Variants in SPAG1 observed in about 807,000 individuals in gnomAD.
SPAG1 encodes sperm-associated antigen 1.
Under a neutral mutation model 100.5 loss-of-function variants are expected in SPAG1, and 69 were observed. The observed-to-expected ratio is 0.69, with a 90% confidence interval of 0.57 to 0.84. The LOEUF (loss-of-function observed/expected upper bound fraction) is 0.84, where lower values mean the gene tolerates loss of function less well. SPAG1 is among the 40% of genes least tolerant of loss of function. SPAG1 has a pLI of 0.00. For synonymous variants in SPAG1, 336 were observed against 411.6 expected, an observed-to-expected ratio of 0.82 and a Z score of 2.22; for missense variants, 955 against 1,133.1, an observed-to-expected ratio of 0.84 and a Z score of 2.26.
chr8:100,162,081 C>G (rs543801063), intron 1 of SPAG1, among the ~76,000 whole-genome samples, 198 bp from the exon 2 acceptor site: 2 of 152,302 alleles, frequency 1.3e-5, no homozygotes, highest in East Asian at 3.9e-4. Flanking sequence ...ATAATCCCAG[C>G]ACTCTGGGAG....
At chr8:100,176,816 C>CTCCTCTCCTCTCCTG (rs1816141594) in intron 3 of SPAG1, among the ~76,000 whole-genome samples, 3 of 145,478 alleles carry the variant, frequency 2.1e-5, no homozygotes, top group Non-Finnish European at 3.0e-5. Flanking sequence ...TCCCTCTCCT[C>CTCCTCTCCTCTCCTG]TCCTCTCCTC....
At chr8:100,198,089 A>C (rs1406097645) in intron 10 of SPAG1, among the ~76,000 whole-genome samples, 1 of 152,164 alleles carries the variant, frequency 6.6e-6, no homozygotes. Flanking sequence ...CCTTACAGAG[A>C]CGCAATCAGA....
intron 10 of SPAG1, among the ~76,000 whole-genome samples, chr8:100,198,332 T>C (rs1586461199): frequency 6.6e-6 from 1 of 152,050 alleles, no homozygotes; most frequent in African/African-American, 2.4e-5. Flanking sequence ...AAAACGTGTA[T>C]GTTAGGCGCC....
At chr8:100,208,499 C>T (rs921109800) in intron 10 of SPAG1, among the ~76,000 whole-genome samples, 3 of 152,168 alleles carry the variant, frequency 2.0e-5, no homozygotes, top group East Asian at 1.9e-4. Context: ...AAAACCACGA[C>T]CTGCCGAGGT....
intron 9 of SPAG1, among the ~76,000 whole-genome samples, chr8:100,193,185 C>T (rs942513840): frequency 6.6e-6 from 1 of 152,168 alleles, no homozygotes; most frequent in African/African-American, 2.4e-5. Flanking sequence ...CACAGCTGGG[C>T]ACGGTGGCTC....
rs556212120 is a variant in SPAG1 at position 100,211,116 on chromosome 8, G to A, written c.1097-1974G>A. On this transcript the variant is annotated intron_variant, in intron 10 of 18. Coordinates refer to ENST00000388798, the MANE Select transcript of SPAG1 (RefSeq NM_003114.5). ...GCTGGGATTACAGGCATGAGCCACC[G>A]TGCCCGGCCCCAAACTTTTATATAT... Among the ~76,000 whole-genome samples, 248 of 151,980 alleles carry A rather than the reference G, an allele frequency of 1.6e-3. 2 individuals are homozygous for A. The highest frequency in any genetic ancestry group is 3.1e-3 in the Non-Finnish European group (210 of 67,934).
chr8:100,172,626 A>G (rs1815914219), intron 3 of SPAG1, among the ~76,000 whole-genome samples: 1 of 132,118 alleles, frequency 7.6e-6, no homozygotes, highest in Non-Finnish European at 1.6e-5. Context: ...CCTAAAAAAA[A>G]GAAATATATG....
chr8:100,216,327 T>C (rs781391524), intron 12 of SPAG1, among the ~76,000 whole-genome samples: 2 of 152,218 alleles, frequency 1.3e-5, no homozygotes, highest in African/African-American at 4.8e-5. Flanking sequence ...CAGGACACTT[T>C]AGTTAAAACT....
At chr8:100,202,022 T>G (rs1817297532) in intron 10 of SPAG1, among the ~76,000 whole-genome samples, 2 of 152,210 alleles carry the variant, frequency 1.3e-5, no homozygotes, top group South Asian at 4.1e-4. Flanking sequence ...CCCAGACTTG[T>G]AACTGGTGTC....
chr8:100,178,747 G>A (rs1221886335), intron 4 of SPAG1, among the ~76,000 whole-genome samples: 1 of 152,140 alleles, frequency 6.6e-6, no homozygotes, highest in Non-Finnish European at 1.5e-5. Context: ...GCAGGTAATG[G>A]AGGTGTACAG....
chr8:100,221,934 G>A (rs1035509153), intron 13 of SPAG1, among the ~76,000 whole-genome samples: 4 of 152,252 alleles, frequency 2.6e-5, no homozygotes, highest in African/African-American at 9.6e-5. Flanking sequence ...CAGGGAACCT[G>A]TCTGATCCCA....
intron 12 of SPAG1, among the ~76,000 whole-genome samples, chr8:100,217,472 G>A (rs867220863): frequency 1.3e-5 from 2 of 152,018 alleles, no homozygotes; most frequent in Non-Finnish European, 2.9e-5. Flanking sequence ...GGTTGGGGGG[G>A]TGTTGAAGAT....
chr8:100,160,389 G>A (rs1815253898), intron 1 of SPAG1, among the ~76,000 whole-genome samples: 1 of 152,172 alleles, frequency 6.6e-6, no homozygotes, highest in South Asian at 2.1e-4. Context: ...CACTTTGGGA[G>A]GCCAAGGCAG....
intron 14 of SPAG1, among the ~76,000 whole-genome samples, chr8:100,230,196 GAT>G (rs1156801466): frequency 6.6e-6 from 1 of 152,212 alleles, no homozygotes; most frequent in East Asian, 1.9e-4. Context: ...GAATGAAAGA[GAT>G]ATGATTTCCC....
At chr8:100,201,810 T>G (rs1266010816) in intron 10 of SPAG1, among the ~76,000 whole-genome samples, 1 of 152,162 alleles carries the variant, frequency 6.6e-6, no homozygotes, top group Non-Finnish European at 1.5e-5. Context: ...TTCCTTCCGA[T>G]AGCTGAACAC....
chr8:100,225,817 A>T (rs1013378655), intron 14 of SPAG1, among the ~76,000 whole-genome samples: 1 of 151,620 alleles, frequency 6.6e-6, no homozygotes, highest in African/African-American at 2.4e-5. Context: ...CTACTAGTAT[A>T]CATGTAAAAG....
intron 7 of SPAG1, among the ~76,000 whole-genome samples, chr8:100,186,060 C>T (rs201964643): frequency 5.4e-3 from 484 of 89,600 alleles, no homozygotes; most frequent in Middle Eastern, 0.02. Flanking sequence ...TGGGCAGATT[C>T]TTTTTTTTTT....
chr8:100,228,410 CAAAAAA>C (rs71274969), intron 14 of SPAG1, among the ~76,000 whole-genome samples: 1 of 129,582 alleles, frequency 7.7e-6, no homozygotes, highest in Non-Finnish European at 1.6e-5. Context: ...CCATCTCTAC[CAAAAAA>C]AAAAAAAAAA....
At chr8:100,176,869 A>T (rs7004198) in intron 3 of SPAG1, among the ~76,000 whole-genome samples, 1 of 121,390 alleles carries the variant, frequency 8.2e-6, no homozygotes, top group Admixed American at 8.8e-5. Flanking sequence ...CCCCTTCCCC[A>T]TACCCCTCCC....
Sources: allele counts gnomAD v4.1 joint callset (sites outside exome capture counted in the v4.1 genomes callset), GRCh38; gene constraint gnomAD v4.1.1; transcripts MANE v1.5; gene names NCBI Gene and HGNC (gene_info 2026-07-23, HGNC 2026-07-21).